Variants in ROBO2 observed in about 807,000 individuals in gnomAD.
ROBO2 encodes the protein roundabout homolog 2.
Under a neutral mutation model 160.8 loss-of-function variants are expected in ROBO2, and 53 were observed. The ratio of observed to expected loss-of-function variants is 0.33; its 90% CI spans 0.26 to 0.41. The LOEUF is 0.41. Among genes scored for constraint, ROBO2 ranks in the 10% least tolerant of loss-of-function variants. ROBO2 has a pLI of 1.00. For missense variants in ROBO2, 1,577 were observed against 1,722.4 expected (o/e 0.92, Z 1.49); for synonymous variants, 664 against 611.7 (o/e 1.09, Z -1.26).
At chr3:77,346,365 C>T (rs966332053) in intron 2 of ROBO2, among the ~76,000 whole-genome samples, 4 of 152,098 alleles carry the variant, frequency 2.6e-5, no homozygotes, top group African/African-American at 9.7e-5. Context: ...AATAGAATGG[C>T]ATATCAACCT....
chr3:76,143,226 T>A (rs2071754200), intron 2 of ROBO2, among the ~76,000 whole-genome samples: 1 of 151,968 alleles, frequency 6.6e-6, no homozygotes, highest in Non-Finnish European at 1.5e-5. Context: ...AGACAGAGTC[T>A]CAATAGGTTG....
intron 2 of ROBO2, among the ~76,000 whole-genome samples, chr3:76,937,913 C>T (rs183558396): frequency 6.6e-6 from 1 of 152,128 alleles, no homozygotes; most frequent in Non-Finnish European, 1.5e-5. Flanking sequence ...CACTTAGAAC[C>T]GTATCTTGTT....
At chr3:77,635,551 T>C (rs2095250185) in intron 24 of ROBO2, among the ~76,000 whole-genome samples, 1 of 152,202 alleles carries the variant, frequency 6.6e-6, no homozygotes, top group Non-Finnish European at 1.5e-5. Flanking sequence ...AGTCATGCAT[T>C]GTATGACAAT....
intron 2 of ROBO2, among the ~76,000 whole-genome samples, chr3:76,905,097 T>G (rs1010075751): frequency 3.3e-5 from 5 of 152,172 alleles, no homozygotes; most frequent in African/African-American, 1.2e-4. Flanking sequence ...TTCGCTTAAT[T>G]TCAGTCTCTC....
chr3:77,450,901 T>C (rs2081048913), intron 2 of ROBO2, among the ~76,000 whole-genome samples: 1 of 151,526 alleles, frequency 6.6e-6, no homozygotes, highest in Admixed American at 6.6e-5. Flanking sequence ...ATTCGGAGTA[T>C]AGTGAAATTT....
intron 2 of ROBO2, among the ~76,000 whole-genome samples, chr3:76,660,158 T>G (rs572895055): frequency 6.5e-4 from 99 of 152,310 alleles, no homozygotes; most frequent in African/African-American, 2.3e-3. Flanking sequence ...CAATAATAAT[T>G]TTAAAATTGG....
chr3:76,230,313 C>T (rs533199870), intron 2 of ROBO2, among the ~76,000 whole-genome samples: 40 of 151,470 alleles, frequency 2.6e-4, no homozygotes, highest in Non-Finnish European at 4.9e-4. Flanking sequence ...TTGTATTTCT[C>T]ATTTGAAAAA....
chr3:76,908,532 A>G (rs1407217358), intron 2 of ROBO2, among the ~76,000 whole-genome samples: 1 of 152,198 alleles, frequency 6.6e-6, no homozygotes, highest in Admixed American at 6.5e-5. Context: ...CAAGTTTGTC[A>G]ACACAACTTC....
intron 2 of ROBO2, among the ~76,000 whole-genome samples, chr3:77,127,598 C>T (rs1295605839): frequency 6.6e-6 from 1 of 152,056 alleles, no homozygotes; most frequent in East Asian, 1.9e-4. Flanking sequence ...GTGGGTAAGT[C>T]AGTTAAATAT....
chr3:77,220,896 T>A (rs774232787), intron 2 of ROBO2, among the ~76,000 whole-genome samples: 20 of 152,122 alleles, frequency 1.3e-4, no homozygotes, highest in Non-Finnish European at 1.8e-4. Flanking sequence ...GAAATAATAG[T>A]AGAATAATAG....
chr3:76,992,199 G>A (rs1578105664), intron 2 of ROBO2, among the ~76,000 whole-genome samples: 2 of 151,584 alleles, frequency 1.3e-5, no homozygotes, highest in East Asian at 3.9e-4. Context: ...TCAGAAAAGG[G>A]CAGATAACTG....
At chr3:76,236,091 T>C (rs986560458) in intron 2 of ROBO2, among the ~76,000 whole-genome samples, 4 of 152,160 alleles carry the variant, frequency 2.6e-5, no homozygotes, top group Non-Finnish European at 2.9e-5. Context: ...TCCTCAGTTA[T>C]GTTTTTTTGT....
chr3:77,535,076 G>A (rs1001377332), intron 6 of ROBO2, among the ~76,000 whole-genome samples: 2 of 152,158 alleles, frequency 1.3e-5, no homozygotes, highest in Non-Finnish European at 2.9e-5. Flanking sequence ...TAATGAGCTA[G>A]GATGGTGACT....
In ROBO2 at chr3:76,825,603, CAAAAAAAAA is replaced by C. The variant is rs201063990; in HGVS notation, c.110-272390_110-272382del. On this transcript the variant is annotated intron_variant, in intron 2 of 26. Transcript: ENST00000487694. ...GAGTCTACCCTTTCATCATCTTAGC[CAAAAAAAAA>C]AAAAAAAAAAAAAAAAAAAATGAAG... 1.8e-4 allele frequency among the ~76,000 whole-genome samples: 13 copies of C among 72,506 alleles called. No homozygotes were observed. The East Asian group carries it at 3.0e-3, about 17-fold the overall frequency. The allele number at this position is 72,506 out of a possible 152,430, so 47.6% of individuals were successfully genotyped here.
intron 2 of ROBO2, among the ~76,000 whole-genome samples, chr3:76,115,676 TTAAA>T (rs992419259): frequency 5.9e-5 from 9 of 152,092 alleles, no homozygotes; most frequent in Non-Finnish European, 1.0e-4. Flanking sequence ...TTTTAAAAAA[TTAAA>T]TAAACAAACA....
chr3:76,328,908 TTATATA>T (rs201466987), intron 2 of ROBO2, among the ~76,000 whole-genome samples: 1,909 of 135,986 alleles, frequency 0.014, 27 homozygotes, highest in African/African-American at 0.04. Context: ...ATTTATGTTA[TTATATA>T]TATATATATA....
chr3:76,197,900 A>G (rs772062773), intron 2 of ROBO2, among the ~76,000 whole-genome samples: 3 of 152,204 alleles, frequency 2.0e-5, no homozygotes, highest in Admixed American at 2.0e-4. Flanking sequence ...TGAGAACAAT[A>G]TAAGTATCCT....
At chr3:76,637,815 T>C (rs966638120) in intron 2 of ROBO2, among the ~76,000 whole-genome samples, 9 of 152,142 alleles carry the variant, frequency 5.9e-5, no homozygotes, top group South Asian at 2.1e-4. Context: ...TTTGTCCTCA[T>C]AAAAGCAGTG....
rs568799810 is a variant in ROBO2 at position 77,161,806 on chromosome 3, T to G, written c.388+63466T>G. Among the ~76,000 whole-genome samples, 6 of 152,208 alleles carry G rather than the reference T, an allele frequency of 3.9e-5. No homozygotes were observed. In the South Asian group the frequency reaches 1.2e-3, roughly 32 times the overall value. On this transcript the variant is annotated intron_variant, in intron 2 of 25. Coordinates refer to ENST00000461745, the Ensembl canonical transcript of ROBO2. ...CTTATTCTTTTCTCTCTCCTTCATC[T>G]TTCTCCTTTCTTACCCCTTTTTCTG...
Sources: gnomAD v4.1 joint callset for allele counts (sites outside exome capture counted in the v4.1 genomes callset) on GRCh38, gnomAD v4.1.1 for gene constraint, MANE v1.5 for transcripts, NCBI Gene and HGNC (gene_info 2026-07-23, HGNC 2026-07-21) for gene names.